Variants in KAZN observed in about 807,000 individuals in gnomAD.
KAZN encodes kazrin, periplakin interacting protein.
KAZN carries 40 observed loss-of-function variants against 87.4 expected under a neutral mutation model. The ratio of observed to expected loss-of-function variants is 0.46; its 90% CI spans 0.36 to 0.60. The LOEUF is 0.60. KAZN is among the 20% of genes least tolerant of loss of function. The probability of loss-of-function intolerance (pLI) is 0.00; values close to 1 mark genes in which losing one functional copy is unlikely to be tolerated. For missense variants in KAZN, 898 were observed against 1,073.9 expected, an observed-to-expected ratio of 0.84 and a Z score of 2.29; for synonymous variants, 466 against 458.3, an observed-to-expected ratio of 1.02 and a Z score of -0.22.
chr1:14,868,222 G>A (rs185775655), intron 1 of KAZN, among the ~76,000 whole-genome samples: 19 of 152,306 alleles, frequency 1.2e-4, no homozygotes, highest in African/African-American at 2.2e-4. Context: ...CATCGCATAC[G>A]CAGGCATTGC....
At chr1:15,027,271 G>A (rs6669746) in intron 2 of KAZN, among the ~76,000 whole-genome samples, 78,845 of 151,316 alleles carry the variant, frequency 0.52, 20,849 homozygotes, top group African/African-American at 0.61. Flanking sequence ...TAGTAGAGAC[G>A]GGGTTTCACC....
chr1:14,902,956 C>G (rs540017424), intron 1 of KAZN, among the ~76,000 whole-genome samples: 2 of 151,842 alleles, frequency 1.3e-5, no homozygotes, highest in Admixed American at 1.3e-4. Flanking sequence ...CAACCTCCAC[C>G]TCCCAGGTTC....
At chr1:13,926,264 C>A (rs1403046020) in intron 1 of KAZN, among the ~76,000 whole-genome samples, 17 of 152,118 alleles carry the variant, frequency 1.1e-4, no homozygotes, top group Admixed American at 1.1e-3. Context: ...ACACACCAGG[C>A]TGGCTGTCTG....
At chr1:14,792,193 AT>A (rs2100694741) in intron 1 of KAZN, among the ~76,000 whole-genome samples, 1 of 152,326 alleles carries the variant, frequency 6.6e-6, no homozygotes, top group African/African-American at 2.4e-5. Flanking sequence ...TTTACTGAGC[AT>A]CTACTGTTTG....
At chr1:14,987,002 G>A (rs973978610) in intron 2 of KAZN, among the ~76,000 whole-genome samples, 1 of 152,202 alleles carries the variant, frequency 6.6e-6, no homozygotes. Flanking sequence ...CCAGGCCAGG[G>A]CTGGGCACTG....
chr1:13,948,004 T>A (rs1641209482), intron 1 of KAZN, among the ~76,000 whole-genome samples: 1 of 152,240 alleles, frequency 6.6e-6, no homozygotes, highest in Non-Finnish European at 1.5e-5. Flanking sequence ...GGATACAGTT[T>A]AGCTCATACC....
intron 1 of KAZN, among the ~76,000 whole-genome samples, chr1:14,818,237 T>C (rs567555507): frequency 6.6e-6 from 1 of 152,378 alleles, no homozygotes; most frequent in Non-Finnish European, 1.5e-5. Context: ...ATTTTCTGTC[T>C]TGTTCTATCA....
intron 2 of KAZN, among the ~76,000 whole-genome samples, chr1:14,451,832 C>T (rs1389967616): frequency 1.3e-5 from 2 of 152,188 alleles, no homozygotes. Flanking sequence ...TAATGTTCCA[C>T]CTTGAAGACA....
intron 2 of KAZN, among the ~76,000 whole-genome samples, chr1:15,018,924 G>A (rs1159423503): frequency 6.6e-6 from 1 of 152,218 alleles, no homozygotes; most frequent in Non-Finnish European, 1.5e-5. Flanking sequence ...GAGGTTGCTA[G>A]GTTGTTATTG....
chr1:14,881,011 T>A (rs906920721), intron 1 of KAZN, among the ~76,000 whole-genome samples: 1 of 152,220 alleles, frequency 6.6e-6, no homozygotes, highest in African/African-American at 2.4e-5. Context: ...AGAAAACGAA[T>A]GACAGTCCAG....
chr1:14,585,026 C>T (rs1255008722), intron 2 of KAZN, among the ~76,000 whole-genome samples: 1 of 152,066 alleles, frequency 6.6e-6, no homozygotes, highest in East Asian at 1.9e-4. Flanking sequence ...GGTGTCCTTA[C>T]AAGAAGAGGA....
chr1:14,559,899 C>T (rs1429369451), intron 2 of KAZN, among the ~76,000 whole-genome samples: 1 of 152,228 alleles, frequency 6.6e-6, no homozygotes, highest in Non-Finnish European at 1.5e-5. Context: ...AAGTGACACT[C>T]ACCAGTCCAA....
chr1:15,053,940 C>T (rs934041727), intron 4 of KAZN, among the ~76,000 whole-genome samples: 1 of 152,190 alleles, frequency 6.6e-6, no homozygotes, highest in Non-Finnish European at 1.5e-5. Context: ...TCTAGGATGT[C>T]CGAGCTGGAA....
intron 2 of KAZN, among the ~76,000 whole-genome samples, chr1:14,275,841 T>C (rs1319249690): frequency 1.3e-5 from 2 of 152,168 alleles, no homozygotes; most frequent in African/African-American, 4.8e-5. Flanking sequence ...ACAGTAAACA[T>C]GGAAAATGAT....
chr1:14,912,898 A>T (rs1557613982), intron 1 of KAZN, among the ~76,000 whole-genome samples: 1 of 152,322 alleles, frequency 6.6e-6, no homozygotes, highest in East Asian at 1.9e-4. Flanking sequence ...TAAAATGGGT[A>T]TAAGAACAAA....
intron 1 of KAZN, among the ~76,000 whole-genome samples, chr1:14,920,814 G>A (rs1404328583): frequency 1.3e-5 from 2 of 152,132 alleles, no homozygotes; most frequent in Non-Finnish European, 2.9e-5. Context: ...TATCATTTGT[G>A]TGGGACCTGC....
chr1:14,116,207 C>T (rs1351973466), intron 1 of KAZN, among the ~76,000 whole-genome samples: 3 of 152,186 alleles, frequency 2.0e-5, no homozygotes, highest in African/African-American at 7.2e-5. Context: ...ATCCCTGAGA[C>T]AATGGGGAAA....
At chr1:14,361,510 A>C (rs982222334) in intron 2 of KAZN, among the ~76,000 whole-genome samples, 1 of 152,202 alleles carries the variant, frequency 6.6e-6, no homozygotes, top group Non-Finnish European at 1.5e-5. Flanking sequence ...AAAAAACTGC[A>C]GCTAGCTCAG....
At chr1:14,399,200 G>C (rs1663170032) in intron 2 of KAZN, among the ~76,000 whole-genome samples, 2 of 151,772 alleles carry the variant, frequency 1.3e-5, no homozygotes, top group African/African-American at 4.8e-5. Context: ...TATTTTTAGT[G>C]GAGATGAGGT....
Sources: allele counts gnomAD v4.1 joint callset (sites outside exome capture counted in the v4.1 genomes callset), GRCh38; gene constraint gnomAD v4.1.1; transcripts MANE v1.5; gene names NCBI Gene and HGNC (gene_info 2026-07-23, HGNC 2026-07-21).